The following DIPK1A variants were observed in gnomAD, a reference collection of about 807,000 sequenced individuals.
DIPK1A encodes the protein divergent protein kinase domain 1A, also known as family with sequence similarity 69 member A.
A neutral mutation model predicts 40.8 loss-of-function variants in DIPK1A; 27 were observed. That is an observed-to-expected ratio of 0.66 (90% CI 0.49 to 0.91). The LOEUF (loss-of-function observed/expected upper bound fraction) is 0.91, where lower values mean the gene tolerates loss of function less well. Among genes scored for constraint, DIPK1A ranks in the 40% least tolerant of loss-of-function variants. DIPK1A has a pLI of 0.00. For missense variants in DIPK1A, 412 were observed against 505.7 expected (o/e 0.81, Z 1.78); for synonymous variants, 166 against 171.3 (o/e 0.97, Z 0.24).
intron 2 of DIPK1A, among the ~76,000 whole-genome samples, chr1:92,853,699 T>G (rs375001338): frequency 3.9e-5 from 6 of 152,332 alleles, no homozygotes; most frequent in East Asian, 3.9e-4. Context: ...TTTCTTTCAG[T>G]AGGCACCAAA....
intron 4 of DIPK1A, chr1:92,833,207 G>A: frequency 1.5e-6 from 1 of 652,478 alleles, no homozygotes; most frequent in Non-Finnish European, 2.8e-6. Flanking sequence ...ACTAGTCTGT[G>A]ACATGGAAGG....
At chr1:92,833,127 G>A (rs944013709) in intron 4 of DIPK1A, 2 of 674,622 alleles carry the variant, frequency 3.0e-6, no homozygotes, top group Non-Finnish European at 2.7e-6. Context: ...AATAAATTGG[G>A]GCCTGCATTT....
chr1:92,930,947 G>A (rs1432781551), intron 1 of DIPK1A: 1 of 151,996 alleles, frequency 6.6e-6, no homozygotes, highest in Non-Finnish European at 1.5e-5. Context: ...CACTCCAATT[G>A]TTGACTTACT....
chr1:92,909,954 C>CTAAA (rs1020726644), intron 1 of DIPK1A, among the ~76,000 whole-genome samples: 71 of 152,264 alleles, frequency 4.7e-4, no homozygotes, highest in African/African-American at 1.6e-3. Flanking sequence ...TTTGTACAGT[C>CTAAA]TAAAGCAGGA....
At chr1:92,841,862 C>A (rs1687379670), downstream of DIPK1A, 1 of 1,609,990 alleles carries the variant, frequency 6.2e-7, no homozygotes. Flanking sequence ...CTGCTGAGAG[C>A]TAAACCCAGC....
In DIPK1A at chr1:92,923,946, G is replaced by A. The variant is rs138622663; in HGVS notation, c.54+37430C>T. The stretch of plus-strand genomic sequence containing the variant: ...CAGCATATTACTTGAGACTCTTTTC[G>A]TTATTAGTCCATGGAAAGTCTATCT... On this transcript the variant is annotated intron_variant, in intron 1 of 4. Transcript: ENST00000370310. Among the ~76,000 whole-genome samples, 461 of 152,270 alleles carry A rather than the reference G, an allele frequency of 3.0e-3. 4 individuals carry two copies. The highest frequency in any genetic ancestry group is 0.01 in the African/African-American group (427 of 41,540).
chr1:92,865,037 G>A lies in DIPK1A; in HGVS notation c.189+11259C>T, dbSNP rs376239351. 1.8e-3 allele frequency among the ~76,000 whole-genome samples: 108 copies of A among 59,822 alleles called. 1 individual carries two copies. Among genetic ancestry groups the A allele is most frequent in the African/African-American group, 7.1e-3 (101 of 14,162 alleles). The allele number at this position is 59,822 out of a possible 152,430, so 39.2% of individuals were successfully genotyped here. A position where few individuals can be genotyped will look rare whatever the true frequency, so the allele number is the denominator to read the frequency against. On this transcript the variant is annotated intron_variant, in intron 2 of 4. Coordinates refer to ENST00000370310, the MANE Select transcript of DIPK1A (RefSeq NM_001006605.5). ...AGCCTGGGCTACAGAGTGAGACTCC[G>A]TCTCAAAAAAAAAAAAAAAAAAAAA... is the stretch of plus-strand genomic sequence containing the variant.
At chr1:92,957,644 T>C (rs1651905109) in intron 1 of DIPK1A, among the ~76,000 whole-genome samples, 1 of 152,274 alleles carries the variant, frequency 6.6e-6, no homozygotes, top group South Asian at 2.1e-4. Flanking sequence ...AAGCTGACCT[T>C]GGTGGAATCT....
At chr1:92,915,950 T>C (rs1289387209) in intron 1 of DIPK1A, among the ~76,000 whole-genome samples, 1 of 152,178 alleles carries the variant, frequency 6.6e-6, no homozygotes, top group Non-Finnish European at 1.5e-5. Context: ...AATGAAGTAT[T>C]GATACATGCT....
At chr1:92,891,152 T>C (rs1435356417) in intron 1 of DIPK1A, among the ~76,000 whole-genome samples, 1 of 152,196 alleles carries the variant, frequency 6.6e-6, no homozygotes, top group African/African-American at 2.4e-5. Context: ...ATTTCTGTGT[T>C]ATCAGCTGTC....
chr1:92,850,081 C>T lies in DIPK1A; in HGVS notation c.297+767G>A, dbSNP rs141669487. Among the ~76,000 whole-genome samples, 26 of 152,118 alleles carry T rather than the reference C, an allele frequency of 1.7e-4. No homozygotes were observed. The East Asian group carries it at 4.9e-3, about 28-fold the overall frequency. ...AACCTCCTGGGCTCAAGCAATCTTC[C>T]CACTTCAGCCTCCTGAGTAGCTAGA... On this transcript the variant is annotated intron_variant, in intron 3 of 4. Transcript: ENST00000370310.
In DIPK1A at chr1:92,833,665, G is replaced by A. The variant is rs751394001; in HGVS notation, c.475-631C>T. ...AACAGAGATATCATTTGTCAGGTAAGTTGTATTCTAGACAGTCCCCTTTTT... is the reference window on the plus strand; with the variant it reads ...AACAGAGATATCATTTGTCAGGTAAATTGTATTCTAGACAGTCCCCTTTTT... On this transcript the variant is annotated intron_variant, in intron 4 of 4. Coordinates refer to the DIPK1A transcript ENST00000615519. 2 of 1,605,258 alleles carry A rather than the reference G, an allele frequency of 1.2e-6. No individual in the cohort carries two copies. Among genetic ancestry groups the A allele is most frequent in the South Asian group, 1.1e-5 (1 of 90,848 alleles).
intron 4 of DIPK1A, chr1:92,836,587 A>G (rs1034182977): frequency 2.0e-5 from 12 of 597,378 alleles, no homozygotes; most frequent in Non-Finnish European, 3.0e-5. Flanking sequence ...TCTGAGGCCC[A>G]GAGTTATTTG....
At chr1:92,849,352 T>G (rs1380712732) in intron 3 of DIPK1A, among the ~76,000 whole-genome samples, 2 of 151,708 alleles carry the variant, frequency 1.3e-5, no homozygotes, top group African/African-American at 4.9e-5. Context: ...TTTTTTGTTT[T>G]TTTTTTTTTT....
At chr1:92,945,142 C>G (rs1651311492) in intron 1 of DIPK1A, among the ~76,000 whole-genome samples, 1 of 151,504 alleles carries the variant, frequency 6.6e-6, no homozygotes, top group Admixed American at 6.6e-5. Context: ...GGAACGCAAG[C>G]ATGGAGGAGG....
chr1:92,841,714 T>C (rs1266230861), downstream of DIPK1A: 15 of 1,154,798 alleles, frequency 1.3e-5, no homozygotes, highest in Admixed American at 2.0e-5. Flanking sequence ...AAATTAAATA[T>C]TCTATTCTCT....
chr1:92,917,383 A>G (rs1385813040), intron 1 of DIPK1A, among the ~76,000 whole-genome samples: 1 of 152,112 alleles, frequency 6.6e-6, no homozygotes, highest in Non-Finnish European at 1.5e-5. Flanking sequence ...CTATGTCGGT[A>G]GTGGGGTGTG....
At chr1:92,946,035 A>G (rs983404243) in intron 1 of DIPK1A, among the ~76,000 whole-genome samples, 1 of 152,222 alleles carries the variant, frequency 6.6e-6, no homozygotes, top group East Asian at 1.9e-4. Flanking sequence ...TAGGGAATTT[A>G]CAAACATCAC....
intron 1 of DIPK1A, among the ~76,000 whole-genome samples, chr1:92,910,995 G>A (rs546255555): frequency 5.9e-5 from 9 of 152,164 alleles, no homozygotes; most frequent in African/African-American, 9.6e-5. Context: ...CCTGGCAACC[G>A]TTAATCAGTT....
Sources: gnomAD v4.1 joint callset for allele counts (sites outside exome capture counted in the v4.1 genomes callset) on GRCh38, gnomAD v4.1.1 for gene constraint, MANE v1.5 for transcripts, NCBI Gene and HGNC (gene_info 2026-07-23, HGNC 2026-07-21) for gene names.